The following THSD7A variants were observed in gnomAD, a reference collection of about 807,000 sequenced individuals.
THSD7A encodes thrombospondin type 1 domain containing 7A.
Under a neutral mutation model 231.3 loss-of-function variants are expected in THSD7A, and 96 were observed. The observed-to-expected ratio is 0.41, with a 90% confidence interval of 0.35 to 0.49. The LOEUF is 0.49. Ranked by LOEUF, THSD7A falls within the 20% of genes least tolerant of loss-of-function variation. The pLI, the probability that THSD7A is intolerant of heterozygous loss-of-function variation, is 0.05. For missense variants in THSD7A, 2,290 were observed against 2,070.2 expected (o/e 1.11, Z -2.06); for synonymous variants, 940 against 743.3 (o/e 1.26, Z -4.30).
At position 11,593,389 on chromosome 7, in the gene THSD7A, A is replaced by G. The variant is rs1780241290; in HGVS notation, c.1136T>C (p.Met379Thr). The change falls in exon 3 of 28, where the codon ATG becomes ACG. Residue 379 changes from methionine to threonine, a missense_variant. By Grantham distance (81) the Met-to-Thr change is moderately conservative. Transcript: ENST00000423059. ...TACACGAGTGCCTGCAGGGGACACCATGTCATGGCATGTTTTTGAGCAGGG... is the reference window on the plus strand; with the variant it reads ...TACACGAGTGCCTGCAGGGGACACCGTGTCATGGCATGTTTTTGAGCAGGG... ...WSPCSKTCHD[M>T]VSPAGTRVRT... 6.2e-7 allele frequency: 1 copy of G among 1,614,024 alleles called. No individual in the cohort carries two copies. The highest frequency in any genetic ancestry group is 1.6e-4 in the Middle Eastern group (1 of 6,062).
At chr7:11,760,698 G>C (rs771504812) in intron 1 of THSD7A, among the ~76,000 whole-genome samples, 2 of 151,952 alleles carry the variant, frequency 1.3e-5, no homozygotes, top group African/African-American at 2.4e-5. Context: ...TGTTGTACCA[G>C]AGGCTTTAGC....
intron 1 of THSD7A, among the ~76,000 whole-genome samples, chr7:11,679,408 T>G (rs1041742794): frequency 6.6e-6 from 1 of 152,156 alleles, no homozygotes; most frequent in Non-Finnish European, 1.5e-5. Flanking sequence ...GAAGTCAAAT[T>G]ATCTCTGTTT....
intron 2 of THSD7A, among the ~76,000 whole-genome samples, chr7:11,611,817 C>CT (rs1562768599): frequency 3.3e-5 from 5 of 149,752 alleles, no homozygotes; most frequent in Non-Finnish European, 5.9e-5. Context: ...CACACACACA[C>CT]ACACACACAC....
chr7:11,675,664 C>T (rs1783609941), intron 1 of THSD7A, among the ~76,000 whole-genome samples: 1 of 152,170 alleles, frequency 6.6e-6, no homozygotes, highest in African/African-American at 2.4e-5. Context: ...TCACACTGGG[C>T]AGAGCCCACC....
At chr7:11,750,161 G>C (rs1285289110) in intron 1 of THSD7A, among the ~76,000 whole-genome samples, 1 of 151,586 alleles carries the variant, frequency 6.6e-6, no homozygotes, top group Admixed American at 6.6e-5. Context: ...ATATTTAACT[G>C]TATAATATTT....
intron 4 of THSD7A, among the ~76,000 whole-genome samples, chr7:11,579,767 C>A (rs1440687779): frequency 1.3e-5 from 2 of 152,136 alleles, no homozygotes; most frequent in Non-Finnish European, 2.9e-5. Context: ...AGGTCCAGTT[C>A]ACTTTGGAAA....
intron 2 of THSD7A, among the ~76,000 whole-genome samples, chr7:11,633,022 C>A (rs957107471): frequency 6.6e-6 from 1 of 152,128 alleles, no homozygotes; most frequent in Non-Finnish European, 1.5e-5. Flanking sequence ...ACTCTTTTCA[C>A]CACCAAATAT....
intron 1 of THSD7A, among the ~76,000 whole-genome samples, chr7:11,781,139 A>G (rs1427432481): frequency 6.6e-6 from 1 of 152,008 alleles, no homozygotes; most frequent in Non-Finnish European, 1.5e-5. Flanking sequence ...AACACTTCAC[A>G]AAGTCAGGAG....
intron 1 of THSD7A, among the ~76,000 whole-genome samples, chr7:11,664,150 C>T (rs1166132971): frequency 3.3e-5 from 5 of 151,544 alleles, no homozygotes; most frequent in South Asian, 2.1e-4. Flanking sequence ...CATCCTTTTA[C>T]GAAGGATTCA....
chr7:11,768,602 T>C (rs1583274342), intron 1 of THSD7A, among the ~76,000 whole-genome samples: 2 of 152,298 alleles, frequency 1.3e-5, no homozygotes, highest in South Asian at 2.1e-4. Flanking sequence ...TCCATGTGAT[T>C]GTGAACTCAG....
At chr7:11,624,585 T>C (rs1781420967) in intron 2 of THSD7A, among the ~76,000 whole-genome samples, 2 of 152,100 alleles carry the variant, frequency 1.3e-5, no homozygotes, top group South Asian at 4.1e-4. Context: ...CTGGTCAAAT[T>C]CTACTGCCTT....
chr7:11,513,050 A>G (rs1787885120), intron 6 of THSD7A, among the ~76,000 whole-genome samples: 1 of 150,578 alleles, frequency 6.6e-6, no homozygotes, highest in Admixed American at 6.6e-5. Flanking sequence ...GAGTGAAGTA[A>G]CTCAGGCATG....
At chr7:11,546,422 T>C (rs775207332) in intron 4 of THSD7A, among the ~76,000 whole-genome samples, 1 of 152,102 alleles carries the variant, frequency 6.6e-6, no homozygotes, top group Non-Finnish European at 1.5e-5. Flanking sequence ...AACAAAGCCA[T>C]AGGCCTGGTC....
At chr7:11,823,878 A>T (rs1164223339) in intron 1 of THSD7A, among the ~76,000 whole-genome samples, 1 of 151,862 alleles carries the variant, frequency 6.6e-6, no homozygotes, top group Non-Finnish European at 1.5e-5. Context: ...TCATTTTTTG[A>T]TCTAAGTAAC....
chr7:11,614,102 C>G (rs1378202140), intron 2 of THSD7A, among the ~76,000 whole-genome samples: 1 of 152,156 alleles, frequency 6.6e-6, no homozygotes, highest in Non-Finnish European at 1.5e-5. Context: ...GATGTTTTAA[C>G]TGAACCATCA....
At chr7:11,435,727 C>T (rs985538499) in intron 13 of THSD7A, among the ~76,000 whole-genome samples, 10 of 151,602 alleles carry the variant, frequency 6.6e-5, no homozygotes, top group African/African-American at 2.4e-4. Context: ...TATAAAACTG[C>T]AGTGGTAAAT....
intron 8 of THSD7A, among the ~76,000 whole-genome samples, chr7:11,470,358 C>A (rs1263623702): frequency 6.6e-6 from 1 of 151,866 alleles, no homozygotes; most frequent in African/African-American, 2.4e-5. Context: ...ATTTAAGGAT[C>A]TAATTCTATG....
intron 15 of THSD7A, among the ~76,000 whole-genome samples, chr7:11,425,185 G>A (rs574805884): frequency 6.6e-6 from 1 of 152,228 alleles, no homozygotes; most frequent in Admixed American, 6.5e-5. Flanking sequence ...AGCCCAGGGT[G>A]CTCACATGTT....
intron 16 of THSD7A, among the ~76,000 whole-genome samples, chr7:11,418,202 A>C (rs367697731): frequency 6.6e-6 from 1 of 152,172 alleles, no homozygotes; most frequent in Non-Finnish European, 1.5e-5. Context: ...GTGAATCTTA[A>C]AAGAAAGTGA....
Sources: allele counts gnomAD v4.1 joint callset (sites outside exome capture counted in the v4.1 genomes callset), GRCh38; gene constraint gnomAD v4.1.1; transcripts MANE v1.5; gene names NCBI Gene and HGNC (gene_info 2026-07-23, HGNC 2026-07-21).